Variants in COL5A1 observed in about 807,000 individuals in gnomAD.
The protein encoded by COL5A1 is collagen type V alpha 1 chain, also known as collagen alpha-1(V) chain.
In COL5A1, 16 loss-of-function variants were observed where a neutral mutation model predicts 263.7. That is an observed-to-expected ratio of 0.06 (90% CI 0.04 to 0.09). The LOEUF is 0.09. COL5A1 is among the 10% of genes least tolerant of loss of function. COL5A1 has a pLI of 1.00. For synonymous variants in COL5A1, 1,012 were observed against 1,004.5 expected (o/e 1.01, Z -0.14); for missense variants, 2,036 against 2,540.5 (o/e 0.80, Z 4.27).
intron 6 of COL5A1, among the ~76,000 whole-genome samples, chr9:134,729,807 C>T (rs962828675): frequency 2.2e-5 from 3 of 139,454 alleles, no homozygotes; most frequent in Non-Finnish European, 3.1e-5. Context: ...CGTGTGTGAG[C>T]GTGTGTGCAT....
rs541923269 is a variant in COL5A1, at chr9:134,716,739, C to T, written c.655-10527C>T. Among the ~76,000 whole-genome samples, 1 of 152,292 alleles carries T rather than the reference C, an allele frequency of 6.6e-6. No homozygotes were observed. Among genetic ancestry groups the T allele is most frequent in the African/African-American group, 2.4e-5 (1 of 41,566 alleles). ...GGTGTGCATGAGGCTGTGACCTGAT[C>T]ATGCCCCTTCTCTGCACCCATGCGG... On this transcript the variant is annotated intron_variant, in intron 4 of 65. Coordinates refer to ENST00000371817, the MANE Select transcript of COL5A1 (RefSeq NM_000093.5). This position sits in a 1 kb window ranked among gnomAD's most constrained non-coding sequence, Gnocchi z 4.5.
chr9:134,821,305 C>T lies in COL5A1; in HGVS notation c.4555-792C>T, dbSNP rs111500846. On this transcript the variant is annotated intron_variant, in intron 58 of 65. Transcript: ENST00000371817. This position sits in a 1 kb window ranked among gnomAD's most constrained non-coding sequence, Gnocchi z 4.2. ...TTGGCGGCATTGCTGATGAAGGTGT[C>T]GGGTTGGTGTGCAGGCTTGGGTAGT... is the stretch of plus-strand genomic sequence containing the variant. 1.8e-3 allele frequency among the ~76,000 whole-genome samples: 270 copies of T among 152,196 alleles called. 1 individual carries two copies. Among genetic ancestry groups the T allele is most frequent in the African/African-American group, 6.1e-3 (253 of 41,518 alleles).
chr9:134,676,539 G>C (rs968322298), intron 1 of COL5A1, among the ~76,000 whole-genome samples: 5 of 113,816 alleles, frequency 4.4e-5, no homozygotes, highest in Non-Finnish European at 9.0e-5. Context: ...CAGCCCTAAA[G>C]GGGGGCATGG....
chr9:134,793,234 G>T (rs1227359268), intron 32 of COL5A1, among the ~76,000 whole-genome samples: 2 of 151,998 alleles, frequency 1.3e-5, no homozygotes, highest in Non-Finnish European at 2.9e-5. Flanking sequence ...GCCTCTCCTA[G>T]CTGTGTTTGA....
intron 1 of COL5A1, among the ~76,000 whole-genome samples, chr9:134,683,653 T>A (rs561885603): frequency 4.7e-4 from 72 of 152,262 alleles, no homozygotes; most frequent in Non-Finnish European, 8.2e-4. Context: ...GTGCCCAGTG[T>A]GTGTGGGCTC....
rs1194173376 is a variant in COL5A1 at position 134,821,793 on chromosome 9, C to T, written c.4555-304C>T. The stretch of plus-strand genomic sequence containing the variant: ...AGTGGTTTCTGTATTTCCAAATGAA[C>T]GTGAAAAGAGGTGCTCAGCCTGAAG... On this transcript the variant is annotated intron_variant, in intron 58 of 65. Coordinates refer to ENST00000371817, the MANE Select transcript of COL5A1 (RefSeq NM_000093.5). The surrounding 1 kb of genome is among the most constrained non-coding windows in gnomAD (Gnocchi z 4.2). 3.3e-5 allele frequency among the ~76,000 whole-genome samples: 5 copies of T among 152,190 alleles called. No individual in the cohort carries two copies. Among genetic ancestry groups the T allele is most frequent in the East Asian group, 3.9e-4 (2 of 5,184 alleles).
chr9:134,769,614 C>T (rs375300402), intron 25 of COL5A1, among the ~76,000 whole-genome samples: 4 of 152,338 alleles, frequency 2.6e-5, no homozygotes, highest in South Asian at 4.1e-4. Flanking sequence ...TTTCTGTTCC[C>T]GTGCTGCTGG....
At chr9:134,775,928 G>A (rs753258141) in intron 27 of COL5A1, among the ~76,000 whole-genome samples, 95 of 152,276 alleles carry the variant, frequency 6.2e-4, no homozygotes, top group Non-Finnish European at 1.2e-3. Context: ...CGTCTGCTCC[G>A]AATCAACCCT....
intron 1 of COL5A1, among the ~76,000 whole-genome samples, chr9:134,688,538 G>T (rs1384877765): frequency 8.5e-5 from 13 of 152,196 alleles, no homozygotes; most frequent in Admixed American, 8.5e-4. Flanking sequence ...AGCCTTCTTT[G>T]CTGGGGCCAG....
At chr9:134,814,240 C>T (rs933292256) in intron 49 of COL5A1, among the ~76,000 whole-genome samples, 1 of 152,224 alleles carries the variant, frequency 6.6e-6, no homozygotes, top group African/African-American at 2.4e-5. Context: ...CTAGCAATAG[C>T]TACCTGTGCC....
intron 4 of COL5A1, among the ~76,000 whole-genome samples, chr9:134,724,498 C>T (rs916455701): frequency 2.6e-5 from 4 of 152,190 alleles, no homozygotes; most frequent in Non-Finnish European, 5.9e-5. Context: ...CGCCCGTGTG[C>T]GCAGTGGTTG....
chr9:134,687,648 C>T (rs761528864), intron 1 of COL5A1, among the ~76,000 whole-genome samples: 1 of 152,168 alleles, frequency 6.6e-6, no homozygotes, highest in Non-Finnish European at 1.5e-5. Flanking sequence ...GCTGCATGGT[C>T]CTTCACTAAA....
chr9:134,724,745 C>T (rs947513901), intron 4 of COL5A1, among the ~76,000 whole-genome samples: 18 of 152,332 alleles, frequency 1.2e-4, no homozygotes, highest in Admixed American at 1.1e-3. Flanking sequence ...ACCGCGGCTG[C>T]AGGCCAGAGT....
intron 25 of COL5A1, among the ~76,000 whole-genome samples, chr9:134,771,398 C>T (rs1017118135): frequency 4.6e-5 from 7 of 152,338 alleles, no homozygotes; most frequent in African/African-American, 1.4e-4. Context: ...CGGAAGGCGG[C>T]GTGGTGGCCA....
rs542765618 is a variant in COL5A1, at chr9:134,784,881, C to A, written c.2485-108C>A. The A allele has an allele frequency of 4.0e-4, 366 of 908,202 alleles. 6 individuals carry two copies. The South Asian group carries it at 4.8e-3, about 12-fold the overall frequency. 56.3% of individuals were successfully genotyped at this position (908,202 alleles called of 1,614,324 possible). ...GCCGAGCTGGTGGAGCAGCTCTGAC[C>A]ACAGGGTGCCTGTGACCTGTCCCCT... On this transcript the variant is annotated intron_variant, in intron 29 of 65. Coordinates refer to ENST00000371817, the MANE Select transcript of COL5A1 (RefSeq NM_000093.5).
chr9:134,744,394 C>T (rs544419438), intron 11 of COL5A1, among the ~76,000 whole-genome samples: 1 of 151,994 alleles, frequency 6.6e-6, no homozygotes, highest in African/African-American at 2.4e-5. Context: ...CATGCACACA[C>T]TCAACCGTAT....
At chr9:134,672,022 G>A (rs1344728465) in intron 1 of COL5A1, among the ~76,000 whole-genome samples, 1 of 152,268 alleles carries the variant, frequency 6.6e-6, no homozygotes, top group African/African-American at 2.4e-5. Flanking sequence ...CCTGGGAAGT[G>A]GAGACATTCC....
At chr9:134,718,183 A>C (rs1834337946) in intron 4 of COL5A1, among the ~76,000 whole-genome samples, 1 of 152,148 alleles carries the variant, frequency 6.6e-6, no homozygotes, top group Non-Finnish European at 1.5e-5. Context: ...CTCTCAGCAA[A>C]ATGCTCCCAT....
rs1226677506 is a variant in COL5A1 at position 134,765,678 on chromosome 9, C to T, written c.2035-3C>T. The T allele has an allele frequency of 2.5e-6, 4 of 1,613,264 alleles. No individual in the cohort carries two copies. Among genetic ancestry groups the T allele is most frequent in the Non-Finnish European group, 3.4e-6 (4 of 1,179,374 alleles). On this transcript the variant is annotated splice_polypyrimidine_tract_variant and splice_region_variant and intron_variant, in intron 20 of 65. Coordinates refer to ENST00000371817, the MANE Select transcript of COL5A1 (RefSeq NM_000093.5). This position sits in a 1 kb window ranked among gnomAD's most constrained non-coding sequence, Gnocchi z 5.1. ...AAATCCTATTTTCCCTTTCCTCTTACAGGGGCCACGTGGTCTGCTTGGGCC... is the reference window on the plus strand; with the variant it reads ...AAATCCTATTTTCCCTTTCCTCTTATAGGGGCCACGTGGTCTGCTTGGGCC...
Sources: gnomAD v4.1 joint callset for allele counts (sites outside exome capture counted in the v4.1 genomes callset) on GRCh38, gnomAD v4.1.1 for gene constraint, Gnocchi (gnomAD v3.1) non-coding constraint, MANE v1.5 for transcripts, NCBI Gene and HGNC (gene_info 2026-07-23, HGNC 2026-07-21) for gene names.